Variants in PIK3R5 observed in about 807,000 individuals in gnomAD.
PIK3R5 encodes the protein phosphoinositide 3-kinase regulatory subunit 5.
In PIK3R5, 32 loss-of-function variants were observed where a neutral mutation model predicts 94.9. That is an observed-to-expected ratio of 0.34 (90% CI 0.25 to 0.45). The LOEUF (loss-of-function observed/expected upper bound fraction) is 0.45. Among genes scored for constraint, PIK3R5 ranks in the 20% least tolerant of loss-of-function variants. The pLI is 1.00. For missense variants in PIK3R5, 853 were observed against 1,144.6 expected, an observed-to-expected ratio of 0.75 and a Z score of 3.68; for synonymous variants, 443 against 479.4, an observed-to-expected ratio of 0.92 and a Z score of 0.99.
rs753728244 is a variant in PIK3R5, at chr17:8,911,513, T to TG, written c.-13-7dup. The TG allele has an allele frequency of 3.8e-5, 59 of 1,572,676 alleles. No individual in the cohort carries two copies. Among genetic ancestry groups the TG allele is most frequent in the Non-Finnish European group, 4.9e-5 (57 of 1,156,502 alleles). ...GCTGCATCCTGGGTCATCGCCTGCA[T>TG]GGGGGACAGACGCCGGTCAGCTTGT... On this transcript the variant is annotated splice_region_variant and splice_polypyrimidine_tract_variant and intron_variant, in intron 1 of 18. Coordinates refer to ENST00000447110, the MANE Select transcript of PIK3R5 (RefSeq NM_001142633.3). This position sits in a 1 kb window ranked among gnomAD's most constrained non-coding sequence, Gnocchi z 5.3.
chr17:8,888,665 A>T lies in PIK3R5; in HGVS notation c.1122T>A (p.His374Gln). 1 of 1,613,848 alleles carries T rather than the reference A, an allele frequency of 6.2e-7. No individual in the cohort carries two copies. Among genetic ancestry groups the T allele is most frequent in the South Asian group, 1.1e-5 (1 of 91,086 alleles). ...GGCCTGAGACAAAGGAAGTCAGCAGATGGCGCGAGAGGGCCGGCCCCGAGG... is the reference window on the plus strand; with the variant it reads ...GGCCTGAGACAAAGGAAGTCAGCAGTTGGCGCGAGAGGGCCGGCCCCGAGG... ...SQASGPALSR[H>Q]LLTSFVSGLS... Residue 374 changes from histidine to glutamine, a missense_variant, in exon 10 of 19, where the codon CAT (histidine) becomes CAA (glutamine). By Grantham distance (24) the His-to-Gln change is conservative. Coordinates refer to ENST00000447110, the MANE Select transcript of PIK3R5 (RefSeq NM_001142633.3). This position sits in a 1 kb window ranked among gnomAD's most constrained non-coding sequence, Gnocchi z 7.8.
Position 8,892,332 on chromosome 17 carries a change from C to T in PIK3R5, c.482+1254G>A, listed in dbSNP as rs1597380149. Reference sequence around the variant, plus strand: ...TAAGCAGCCCCTTACAACCTTGTAACGAGCCCAGCCGAGCCCCTGCCCTCA... The same window carrying T: ...TAAGCAGCCCCTTACAACCTTGTAATGAGCCCAGCCGAGCCCCTGCCCTCA... On this transcript the variant is annotated intron_variant, in intron 6 of 18. Transcript: ENST00000447110. The surrounding 1 kb of genome is among the most constrained non-coding windows in gnomAD (Gnocchi z 4.3). Among the ~76,000 whole-genome samples the T allele has an allele frequency of 6.6e-6, 1 of 152,138 alleles. No individual in the cohort carries two copies. Among genetic ancestry groups the T allele is most frequent in the Non-Finnish European group, 1.5e-5 (1 of 68,026 alleles).
At chr17:8,887,438 T>G (rs1285935267) in intron 11 of PIK3R5, 83 bp downstream of exon 11, 1 of 1,467,026 alleles carries the variant, frequency 6.8e-7, no homozygotes, top group African/African-American at 1.4e-5. Flanking sequence ...CACAGGTGCT[T>G]GCTTTCCATG....
At chr17:8,959,409 G>A (rs2091519742) in intron 1 of PIK3R5, among the ~76,000 whole-genome samples, 1 of 102,990 alleles carries the variant, frequency 9.7e-6, no homozygotes, top group Non-Finnish European at 2.4e-5. Flanking sequence ...AAAACTTTGA[G>A]CGAGAGAGAC....
At chr17:8,899,255 C>G (rs1345097899) in intron 5 of PIK3R5, among the ~76,000 whole-genome samples, 2 of 152,180 alleles carry the variant, frequency 1.3e-5, no homozygotes, top group Non-Finnish European at 2.9e-5. Flanking sequence ...ATAACAGGCC[C>G]ACTTCCTCTG....
intron 3 of PIK3R5, among the ~76,000 whole-genome samples, chr17:8,906,362 G>A (rs895294409): frequency 6.6e-6 from 1 of 152,052 alleles, no homozygotes; most frequent in Admixed American, 6.6e-5. Flanking sequence ...TTACTATACG[G>A]TCTCTAAGAC....
intron 1 of PIK3R5, among the ~76,000 whole-genome samples, chr17:8,927,718 C>A (rs1475449804): frequency 2.0e-5 from 3 of 152,020 alleles, no homozygotes; most frequent in South Asian, 4.2e-4. Flanking sequence ...TTGGTCCCAC[C>A]AAGTCTCATG....
Position 8,880,642 on chromosome 17 carries a change from G to A in PIK3R5, c.2640C>T (p.Pro880=). Reference sequence around the variant, plus strand: ...CCAGTCTGGCGCTGGGCCCACACTAGGGCAGAGCTCCACTGAAAGTCATGA... The same window carrying A: ...CCAGTCTGGCGCTGGGCCCACACTAAGGCAGAGCTCCACTGAAAGTCATGA... ...LPIMTFSGAL[P] Residue 880 remains proline (P), a synonymous_variant, in exon 19 of 19, where the codon CCC becomes CCT. Transcript: ENST00000447110. 1.9e-6 allele frequency: 3 copies of A among 1,607,008 alleles called. No individual in the cohort carries two copies. The highest frequency in any genetic ancestry group is 2.2e-5 in the East Asian group (1 of 44,824).
chr17:8,964,900 C>T (rs2091637821), intron 1 of PIK3R5, among the ~76,000 whole-genome samples: 1 of 152,222 alleles, frequency 6.6e-6, no homozygotes, highest in South Asian at 2.1e-4. Flanking sequence ...TTTAACCTCG[C>T]CTTCCTTTTC....
chr17:8,940,230 G>A (rs1274823397), intron 1 of PIK3R5, among the ~76,000 whole-genome samples: 4 of 152,186 alleles, frequency 2.6e-5, no homozygotes, highest in Non-Finnish European at 5.9e-5. Context: ...TGGGCACGTG[G>A]GAGGCCCTGC....
chr17:8,957,413 C>T (rs572233150), intron 1 of PIK3R5, among the ~76,000 whole-genome samples: 38 of 152,248 alleles, frequency 2.5e-4, no homozygotes, highest in African/African-American at 7.9e-4. Context: ...AAGTCTTCAC[C>T]TTTTTCAAAG....
chr17:8,880,860 G>C, intron 18 of PIK3R5, 45 bp downstream of exon 18: 3 of 1,613,178 alleles, frequency 1.9e-6, no homozygotes, highest in Admixed American at 1.7e-5. Flanking sequence ...CTCTGGGTTG[G>C]TGGGAGCAGA....
intron 1 of PIK3R5, among the ~76,000 whole-genome samples, chr17:8,954,788 T>C (rs899092311): frequency 1.2e-4 from 18 of 151,856 alleles, no homozygotes; most frequent in Admixed American, 1.2e-3. Context: ...AGTACAAAAA[T>C]TAGCCTGGTG....
chr17:8,932,295 G>A (rs1301004566), intron 1 of PIK3R5, among the ~76,000 whole-genome samples: 2 of 151,822 alleles, frequency 1.3e-5, no homozygotes, highest in Non-Finnish European at 2.9e-5. Flanking sequence ...GTGCAGTGGC[G>A]TGATCTCGGC....
chr17:8,914,108 C>G (rs1272483351), intron 1 of PIK3R5, among the ~76,000 whole-genome samples: 1 of 152,196 alleles, frequency 6.6e-6, no homozygotes, highest in Non-Finnish European at 1.5e-5. Context: ...CATGGATGAG[C>G]CTGGGGCATG....
intron 1 of PIK3R5, among the ~76,000 whole-genome samples, chr17:8,922,692 T>G (rs1265992667): frequency 1.3e-5 from 2 of 152,178 alleles, no homozygotes; most frequent in Non-Finnish European, 2.9e-5. Context: ...GGGTTAGGGC[T>G]GTTCACTTCC....
In PIK3R5 at chr17:8,890,742, A is replaced by T; in HGVS notation, c.653T>A (p.Leu218Gln). The T allele has an allele frequency of 6.2e-7, 1 of 1,606,564 alleles. No homozygotes were observed. The highest frequency in any genetic ancestry group is 8.5e-7 in the Non-Finnish European group (1 of 1,176,604). ...CCCCAGGCCCCAGGTACATACCTGT[A>T]GCCTGCAGTGCAGGCCCGGGACGTC... ...HCDVPGLHCR[L>Q]QAKTLAELED... The change falls in exon 7 of 19, where the codon CTA (leucine) becomes CAA (glutamine). Residue 218 changes from leucine to glutamine, a missense_variant. Physicochemically the swap from Leu to Gln is moderately radical, Grantham distance 113. Coordinates refer to ENST00000447110, the MANE Select transcript of PIK3R5 (RefSeq NM_001142633.3). The surrounding 1 kb of genome is among the most constrained non-coding windows in gnomAD (Gnocchi z 6.1).
rs1306383845 is a variant in PIK3R5, at chr17:8,962,712, C to T, written c.-14+2884G>A. On this transcript the variant is annotated intron_variant, in intron 1 of 18. Transcript: ENST00000447110. ...AGATGCCATAAACAGTAAAATGCACCTTGATTTCAGTGAAATTCATACAAT... is the reference window on the plus strand; with the variant it reads ...AGATGCCATAAACAGTAAAATGCACTTTGATTTCAGTGAAATTCATACAAT... 3.3e-5 allele frequency among the ~76,000 whole-genome samples: 5 copies of T among 152,308 alleles called. No individual in the cohort carries two copies. The East Asian group carries it at 7.7e-4, about 23-fold the overall frequency.
At position 8,955,835 on chromosome 17, in the gene PIK3R5, C is replaced by T. The variant is rs1879350488; in HGVS notation, c.-14+9761G>A. On this transcript the variant is annotated intron_variant, in intron 1 of 18. Coordinates refer to ENST00000447110, the MANE Select transcript of PIK3R5 (RefSeq NM_001142633.3). This position sits in a 1 kb window ranked among gnomAD's most constrained non-coding sequence, Gnocchi z 4.4. ...TGGGGAAGTCTGCACAGGAAGCCTG[C>T]TTTGTGGATGCAGAGTTGGGCTCTG... Among the ~76,000 whole-genome samples the T allele has an allele frequency of 6.6e-6, 1 of 152,136 alleles. No homozygotes were observed. Among genetic ancestry groups the T allele is most frequent in the African/African-American group, 2.4e-5 (1 of 41,428 alleles).
Sources: allele counts gnomAD v4.1 joint callset (sites outside exome capture counted in the v4.1 genomes callset), GRCh38; gene constraint gnomAD v4.1.1; non-coding constraint Gnocchi (gnomAD v3.1); transcripts MANE v1.5; gene names NCBI Gene and HGNC (gene_info 2026-07-23, HGNC 2026-07-21).